The following ANKS1B variants were observed in gnomAD, a reference collection of about 807,000 sequenced individuals.
ANKS1B encodes the protein ankyrin repeat and sterile alpha motif domain containing 1B.
In ANKS1B, 36 loss-of-function variants were observed where a neutral mutation model predicts 148.3. The observed-to-expected ratio is 0.24, with a 90% confidence interval of 0.19 to 0.32. The LOEUF is 0.32. ANKS1B is among the 10% of genes least tolerant of loss of function. ANKS1B has a pLI of 1.00. For synonymous variants in ANKS1B, 542 were observed against 560.8 expected (o/e 0.97, Z 0.47); for missense variants, 1,157 against 1,542.6 (o/e 0.75, Z 4.19).
chr12:99,001,470 G>T (rs552852509), intron 17 of ANKS1B, among the ~76,000 whole-genome samples: 15 of 152,224 alleles, frequency 9.9e-5, no homozygotes, highest in Admixed American at 4.6e-4. Flanking sequence ...AAGTGGGATT[G>T]TTGGATCATC....
chr12:99,778,272 C>CCAAG (rs1450030846), intron 6 of ANKS1B, among the ~76,000 whole-genome samples: 1 of 151,882 alleles, frequency 6.6e-6, no homozygotes, highest in East Asian at 2.0e-4. Context: ...CTTTAAGAGG[C>CCAAG]CAAGGTGGCT....
chr12:99,295,345 A>G (rs1404916415), intron 12 of ANKS1B, among the ~76,000 whole-genome samples: 3 of 152,318 alleles, frequency 2.0e-5, no homozygotes, highest in Admixed American at 6.5e-5. Flanking sequence ...GAATATCTGC[A>G]TATCTTCTAT....
At chr12:99,338,836 TG>T (rs1316174781) in intron 12 of ANKS1B, among the ~76,000 whole-genome samples, 3 of 152,178 alleles carry the variant, frequency 2.0e-5, no homozygotes, top group African/African-American at 7.2e-5. Flanking sequence ...GTGCCTGGAC[TG>T]GGAGCCTCAG....
At chr12:99,936,805 A>G (rs576474700) in intron 1 of ANKS1B, among the ~76,000 whole-genome samples, 1 of 152,288 alleles carries the variant, frequency 6.6e-6, no homozygotes, top group South Asian at 2.1e-4. Context: ...TCACACTAGA[A>G]AAGTGTAAGT....
chr12:99,518,604 C>A (rs1174779852), intron 9 of ANKS1B, among the ~76,000 whole-genome samples: 1 of 151,462 alleles, frequency 6.6e-6, no homozygotes, highest in Non-Finnish European at 1.5e-5. Context: ...CTCTTTTTTT[C>A]TTAGTCTAGA....
intron 8 of ANKS1B, among the ~76,000 whole-genome samples, chr12:99,669,710 A>G (rs540633380): frequency 6.6e-6 from 1 of 152,254 alleles, no homozygotes; most frequent in African/African-American, 2.4e-5. Context: ...TATTCAACTG[A>G]AGATACAAAG....
At chr12:99,006,034 G>A (rs997592428) in intron 17 of ANKS1B, among the ~76,000 whole-genome samples, 24 of 152,172 alleles carry the variant, frequency 1.6e-4, no homozygotes, top group Non-Finnish European at 2.8e-4. Context: ...CTTGGTTGAG[G>A]TTTATAGACT....
At chr12:99,454,512 A>T (rs2095814283) in intron 10 of ANKS1B, among the ~76,000 whole-genome samples, 1 of 152,230 alleles carries the variant, frequency 6.6e-6, no homozygotes, top group South Asian at 2.1e-4. Flanking sequence ...AAAGTCCAAG[A>T]TCTCAATTCA....
intron 1 of ANKS1B, among the ~76,000 whole-genome samples, chr12:99,864,079 C>CAAAA (rs11445634): frequency 1.8e-4 from 12 of 65,196 alleles, no homozygotes; most frequent in Admixed American, 2.0e-4. Context: ...GACTACATCT[C>CAAAA]AAAAAAAAAA....
At chr12:99,740,346 A>AACAAAAC (rs1227872727) in intron 8 of ANKS1B, among the ~76,000 whole-genome samples, 1 of 151,926 alleles carries the variant, frequency 6.6e-6, no homozygotes, top group Non-Finnish European at 1.5e-5. Flanking sequence ...AAAAACAAAA[A>AACAAAAC]AACTAGTCAA....
At chr12:99,802,791 T>C (rs2067111769) in intron 4 of ANKS1B, among the ~76,000 whole-genome samples, 1 of 151,920 alleles carries the variant, frequency 6.6e-6, no homozygotes, top group Non-Finnish European at 1.5e-5. Flanking sequence ...CACATGCCTA[T>C]AGTCCCACCT....
intron 16 of ANKS1B, among the ~76,000 whole-genome samples, chr12:99,075,155 G>C (rs571271191): frequency 6.6e-6 from 1 of 152,210 alleles, no homozygotes; most frequent in South Asian, 2.1e-4. Context: ...CCTAGGAAGA[G>C]AGATAATACT....
intron 12 of ANKS1B, among the ~76,000 whole-genome samples, chr12:99,332,703 CT>C (rs1026129062): frequency 7.1e-6 from 1 of 141,292 alleles, no homozygotes; most frequent in Non-Finnish European, 1.6e-5. Flanking sequence ...AAAAAAAAAG[CT>C]TTTTTTCTTT....
intron 9 of ANKS1B, among the ~76,000 whole-genome samples, chr12:99,507,640 G>A (rs564739039): frequency 2.0e-5 from 3 of 151,924 alleles, no homozygotes; most frequent in Admixed American, 1.3e-4. Flanking sequence ...TTTCTTCTTA[G>A]AATGTAAGTC....
In ANKS1B at chr12:98,745,375, C is replaced by CTCTTTTT. The variant is rs1358559114; in HGVS notation, c.*363_*364insAAAAAGA. 4.3e-4 allele frequency: 392 copies of CTCTTTTT among 913,374 alleles called. No individual in the cohort carries two copies. Among genetic ancestry groups the CTCTTTTT allele is most frequent in the Admixed American group, 8.8e-4 (10 of 11,388 alleles). 56.6% of individuals were successfully genotyped at this position (913,374 alleles called of 1,614,324 possible). ...TAGGCAGTATTAGAGATCCCCTTTA[C>CTCTTTTT]TTTTTTTTTTTTTTTTTTTTTTTTA... On this transcript the variant is annotated 3_prime_UTR_variant, in exon 27 of 27. Transcript: ENST00000683438.
chr12:99,014,296 G>T (rs1363073671), intron 17 of ANKS1B, among the ~76,000 whole-genome samples: 1 of 152,100 alleles, frequency 6.6e-6, no homozygotes, highest in African/African-American at 2.4e-5. Flanking sequence ...TCAATAAATG[G>T]TGCTGGGATA....
At chr12:99,696,388 C>A (rs2153513266) in intron 8 of ANKS1B, among the ~76,000 whole-genome samples, 1 of 152,184 alleles carries the variant, frequency 6.6e-6, no homozygotes, top group Non-Finnish European at 1.5e-5. Context: ...AAAGAATAGA[C>A]AAACATATTA....
intron 15 of ANKS1B, among the ~76,000 whole-genome samples, chr12:99,105,768 C>CAAA (rs11349848): frequency 2.1e-4 from 17 of 82,914 alleles, no homozygotes; most frequent in African/African-American, 6.8e-4. Flanking sequence ...GACTCTGTCT[C>CAAA]AAAAAAAAAA....
At chr12:99,760,603 G>T (rs2061996318) in intron 8 of ANKS1B, among the ~76,000 whole-genome samples, 1 of 151,606 alleles carries the variant, frequency 6.6e-6, no homozygotes, top group Non-Finnish European at 1.5e-5. Context: ...AATTTTTAAA[G>T]ATCTCAAATT....
Sources: allele counts gnomAD v4.1 joint callset (sites outside exome capture counted in the v4.1 genomes callset), GRCh38; gene constraint gnomAD v4.1.1; transcripts MANE v1.5; gene names NCBI Gene and HGNC (gene_info 2026-07-23, HGNC 2026-07-21).